The following ARHGAP15 variants were observed in gnomAD, a reference collection of about 807,000 sequenced individuals.
The protein encoded by ARHGAP15 is Rho GTPase activating protein 15, also known as rho GTPase-activating protein 15.
In ARHGAP15, 51 loss-of-function variants were observed where a neutral mutation model predicts 63.7. The observed-to-expected ratio is 0.80, with a 90% CI of 0.64 to 1.01. The LOEUF is 1.01. ARHGAP15 is among the 50% of genes least tolerant of loss of function. The pLI is 0.00. For synonymous variants in ARHGAP15, 191 were observed against 193.8 expected (o/e 0.99, Z 0.12); for missense variants, 560 against 564.6 (o/e 0.99, Z 0.08).
intron 12 of ARHGAP15, among the ~76,000 whole-genome samples, chr2:143,692,151 TGAG>T (rs909421681): frequency 2.6e-5 from 4 of 151,846 alleles, no homozygotes; most frequent in African/African-American, 7.3e-5. Flanking sequence ...GTCACAAAGT[TGAG>T]GAGGAGCTTT....
At chr2:143,227,637 A>T (rs568787500) in intron 4 of ARHGAP15, among the ~76,000 whole-genome samples, 1 of 152,312 alleles carries the variant, frequency 6.6e-6, no homozygotes, top group South Asian at 2.1e-4. Context: ...GTTATAAACT[A>T]CGTGTATTAT....
intron 13 of ARHGAP15, among the ~76,000 whole-genome samples, chr2:143,742,825 G>T (rs1265855061): frequency 6.6e-6 from 1 of 152,228 alleles, no homozygotes; most frequent in Admixed American, 6.5e-5. Flanking sequence ...GGAAGCCCAT[G>T]CAGCTCCCTG....
intron 11 of ARHGAP15, among the ~76,000 whole-genome samples, chr2:143,617,384 A>G (rs1698490663): frequency 6.6e-6 from 1 of 152,206 alleles, no homozygotes; most frequent in African/African-American, 2.4e-5. Context: ...CCAGAAATGT[A>G]TTTCCTCACA....
intron 8 of ARHGAP15, among the ~76,000 whole-genome samples, chr2:143,442,840 C>A (rs1206834506): frequency 6.6e-6 from 1 of 151,724 alleles, no homozygotes; most frequent in Non-Finnish European, 1.5e-5. Flanking sequence ...TGTCCATGTG[C>A]CTAATTCAAT....
intron 12 of ARHGAP15, among the ~76,000 whole-genome samples, chr2:143,680,825 G>A (rs985753892): frequency 4.6e-5 from 7 of 152,200 alleles, no homozygotes; most frequent in African/African-American, 1.7e-4. Flanking sequence ...AGGGCAGTGA[G>A]TAATATTATC....
At chr2:143,413,967 G>GTGCGCGCGCGCA (rs1553476589) in intron 6 of ARHGAP15, among the ~76,000 whole-genome samples, 3 of 26,664 alleles carry the variant, frequency 1.1e-4, no homozygotes, top group Non-Finnish European at 2.4e-4. Context: ...GTGTGTGTGT[G>GTGCGCGCGCGCA]CGCGCTCTCT....
chr2:143,304,364 A>G (rs1683069621), intron 6 of ARHGAP15, among the ~76,000 whole-genome samples: 1 of 152,112 alleles, frequency 6.6e-6, no homozygotes, highest in African/African-American at 2.4e-5. Flanking sequence ...ACAAAAAACC[A>G]AACACCGCAT....
intron 11 of ARHGAP15, among the ~76,000 whole-genome samples, chr2:143,619,611 C>T (rs1698579454): frequency 6.6e-6 from 1 of 152,164 alleles, no homozygotes; most frequent in Admixed American, 6.5e-5. Flanking sequence ...GCTGTGTCCC[C>T]ACCCAGATGT....
At chr2:143,397,260 TGATAAATA>T (rs1325481964) in intron 6 of ARHGAP15, among the ~76,000 whole-genome samples, 1 of 6,370 alleles carries the variant, frequency 1.6e-4, no homozygotes, top group African/African-American at 3.6e-4. Context: ...TGAACAATAA[TGATAAATA>T]AGAATGACAA....
intron 12 of ARHGAP15, among the ~76,000 whole-genome samples, chr2:143,662,105 C>A (rs1681836747): frequency 6.6e-6 from 1 of 152,250 alleles, no homozygotes; most frequent in South Asian, 2.1e-4. Flanking sequence ...GTAGGCTCCA[C>A]CTCTGGGGGC....
At chr2:143,428,489 T>A (rs1466036866) in intron 6 of ARHGAP15, among the ~76,000 whole-genome samples, 3 of 151,672 alleles carry the variant, frequency 2.0e-5, no homozygotes, top group Admixed American at 6.6e-5. Flanking sequence ...CAATATATAG[T>A]ATGGACTTGA....
intron 11 of ARHGAP15, among the ~76,000 whole-genome samples, chr2:143,558,347 C>G (rs967225554): frequency 8.5e-5 from 13 of 152,172 alleles, no homozygotes; most frequent in African/African-American, 2.6e-4. Context: ...CTTCAAGGCC[C>G]AGATTATAGC....
At chr2:143,618,932 C>A (rs1258627160) in intron 11 of ARHGAP15, among the ~76,000 whole-genome samples, 1 of 151,846 alleles carries the variant, frequency 6.6e-6, no homozygotes, top group Non-Finnish European at 1.5e-5. Context: ...CCTCCCAATT[C>A]TCCTGCCTCA....
intron 6 of ARHGAP15, among the ~76,000 whole-genome samples, chr2:143,429,849 C>T (rs113001464): frequency 9.9e-5 from 15 of 152,140 alleles, no homozygotes; most frequent in East Asian, 5.8e-4. Context: ...AAGTATAAAA[C>T]ATTTTTCTGA....
chr2:143,507,340 A>G (rs1693366681), intron 9 of ARHGAP15, among the ~76,000 whole-genome samples: 1 of 152,196 alleles, frequency 6.6e-6, no homozygotes, highest in Non-Finnish European at 1.5e-5. Flanking sequence ...GGAGTTAGAA[A>G]GAAATAAGGA....
At chr2:143,546,242 T>TA (rs367559885) in intron 10 of ARHGAP15, among the ~76,000 whole-genome samples, 175 of 151,994 alleles carry the variant, frequency 1.2e-3, no homozygotes, top group African/African-American at 3.4e-3. Flanking sequence ...GTTTAGATGT[T>TA]AAAAAAAATA....
chr2:143,749,980 ACT>A (rs1232277397), intron 13 of ARHGAP15, among the ~76,000 whole-genome samples: 1 of 152,022 alleles, frequency 6.6e-6, no homozygotes, highest in Non-Finnish European at 1.5e-5. Flanking sequence ...CTTTTTAGCA[ACT>A]CTGAGTCCCG....
intron 6 of ARHGAP15, among the ~76,000 whole-genome samples, chr2:143,262,885 G>A (rs1467389677): frequency 6.6e-6 from 1 of 152,082 alleles, no homozygotes; most frequent in Non-Finnish European, 1.5e-5. Flanking sequence ...ATTCAGCAGA[G>A]CCAAAGTTGC....
chr2:143,647,197 A>G (rs1361662869), intron 12 of ARHGAP15, among the ~76,000 whole-genome samples: 2 of 151,914 alleles, frequency 1.3e-5, no homozygotes, highest in Non-Finnish European at 1.5e-5. Context: ...TATTGCTAAT[A>G]TAATACATGT....
Sources: allele counts gnomAD v4.1 joint callset (sites outside exome capture counted in the v4.1 genomes callset), GRCh38; gene constraint gnomAD v4.1.1; transcripts MANE v1.5; gene names NCBI Gene and HGNC (gene_info 2026-07-23, HGNC 2026-07-21).